TADA1: variants seen among roughly 807,000 people sequenced by gnomAD.
TADA1 encodes transcriptional adaptor 1.
A neutral mutation model predicts 39.3 loss-of-function variants in TADA1; 23 were observed. The observed-to-expected ratio is 0.58, with a 90% CI of 0.42 to 0.83. The LOEUF (loss-of-function observed/expected upper bound fraction) is 0.83, where lower values mean the gene tolerates loss of function less well. Ranked by LOEUF, TADA1 falls within the 40% of genes least tolerant of loss-of-function variation. The pLI, the probability that TADA1 is intolerant of heterozygous loss-of-function variation, is 0.00. For missense variants in TADA1, 352 were observed against 408.1 expected (o/e 0.86, Z 1.18); for synonymous variants, 137 against 151.8 (o/e 0.90, Z 0.72).
intron 1 of TADA1, among the ~76,000 whole-genome samples, chr1:166,875,937 C>T (rs1414488548): frequency 6.6e-6 from 1 of 152,130 alleles, no homozygotes; most frequent in East Asian, 1.9e-4. Context: ...AGCAACGGCG[C>T]CCGCCGATGT....
intron 6 of TADA1, among the ~76,000 whole-genome samples, chr1:166,859,907 A>G (rs1658367857): frequency 6.6e-6 from 1 of 152,126 alleles, no homozygotes; most frequent in African/African-American, 2.4e-5. Flanking sequence ...TGCACCACCT[A>G]TGCACTACTC....
chr1:166,864,200 T>G (rs188353956), intron 3 of TADA1, among the ~76,000 whole-genome samples: 50 of 152,168 alleles, frequency 3.3e-4, no homozygotes, highest in African/African-American at 1.1e-3. Flanking sequence ...AGCAGTAGTA[T>G]TATTATAGAT....
At chr1:166,869,067 G>T in intron 3 of TADA1, 1 of 273,596 alleles carries the variant, frequency 3.7e-6, no homozygotes, top group Non-Finnish European at 7.4e-6. Flanking sequence ...ATTCAATTTT[G>T]GCAAAGAAAA....
intron 6 of TADA1, among the ~76,000 whole-genome samples, chr1:166,859,126 C>G (rs1186516700): frequency 6.6e-6 from 1 of 152,164 alleles, no homozygotes; most frequent in Non-Finnish European, 1.5e-5. Context: ...AACAGTAAAC[C>G]CAATTTAAGA....
chr1:166,869,400 T>C, intron 3 of TADA1, 45 bp downstream of exon 3: 1 of 1,517,280 alleles, frequency 6.6e-7, no homozygotes, highest in Non-Finnish European at 9.1e-7. Flanking sequence ...TAAAGTCTAG[T>C]GCTTTGCTGA....
chr1:166,860,288 T>C lies in TADA1; in HGVS notation c.590A>G (p.Tyr197Cys). 6.2e-7 allele frequency: 1 copy of C among 1,613,966 alleles called. No homozygotes were observed. The highest frequency in any genetic ancestry group is 8.5e-7 in the Non-Finnish European group (1 of 1,179,932). Reference protein sequence around the residue: ...LTSVVSRRKAYRLRDGHFKYA... With the variant: ...LTSVVSRRKACRLRDGHFKYA... Reference sequence around the variant, plus strand: ...TTTAAAATGACCATCTCGTAACCGATAAGCTTTCCTTCTTGACACAACTGA... The same window carrying C: ...TTTAAAATGACCATCTCGTAACCGACAAGCTTTCCTTCTTGACACAACTGA... Residue 197 changes from tyrosine to cysteine, a missense_variant, in exon 6 of 8, where the codon TAT (tyrosine) becomes TGT (cysteine). Tyr to Cys is a radical substitution (Grantham distance 194). This residue lies in a region of TADA1 where 285 missense variants were observed against 310.9 expected (regional missense o/e 0.92). Coordinates refer to ENST00000367874, the MANE Select transcript of TADA1 (RefSeq NM_053053.4).
In TADA1 at chr1:166,860,321, A is replaced by G. The variant is rs747114953; in HGVS notation, c.557T>C (p.Ile186Thr). The G allele has an allele frequency of 6.2e-6, 10 of 1,610,138 alleles. No homozygotes were observed. Among genetic ancestry groups the G allele is most frequent in the Admixed American group, 3.4e-5 (2 of 58,996 alleles). Reference protein sequence around the residue: ...VYAVENHLKDILTSVVSRRKA... With the variant: ...VYAVENHLKDTLTSVVSRRKA... Reference sequence around the variant, plus strand: ...CCTTCTTGACACAACTGACGTCAGTATATCTTTAAGGTGATTCTGTAAACA... The same window carrying G: ...CCTTCTTGACACAACTGACGTCAGTGTATCTTTAAGGTGATTCTGTAAACA... The change falls in exon 6 of 8, where the codon ATA (isoleucine) becomes ACA (threonine). Residue 186 changes from isoleucine (I) to threonine (T), a missense_variant. Physicochemically the swap from Ile to Thr is moderately conservative, Grantham distance 89 (BLOSUM62 -1). Around this residue, in one of 3 missense-constraint regions of TADA1, gnomAD observed 285 missense variants for 310.9 expected, o/e 0.92. Coordinates refer to ENST00000367874, the MANE Select transcript of TADA1 (RefSeq NM_053053.4).
chr1:166,870,184 G>A (rs980041125), intron 1 of TADA1, among the ~76,000 whole-genome samples: 3 of 152,176 alleles, frequency 2.0e-5, no homozygotes, highest in African/African-American at 4.8e-5. Context: ...CTTAACCCTA[G>A]TACTTCAGAA....
At chr1:166,861,985 G>T (rs915398094) in intron 5 of TADA1, among the ~76,000 whole-genome samples, 1 of 152,102 alleles carries the variant, frequency 6.6e-6, no homozygotes, top group African/African-American at 2.4e-5. Context: ...CTTGAGCCCA[G>T]GATTTCCAGG....
intron 1 of TADA1, among the ~76,000 whole-genome samples, chr1:166,872,260 T>C (rs1208274961): frequency 6.6e-6 from 1 of 152,232 alleles, no homozygotes; most frequent in Non-Finnish European, 1.5e-5. Context: ...TGGTGTTATC[T>C]TTCCTGGTGG....
At chr1:166,864,084 T>G (rs1268551164) in intron 3 of TADA1, among the ~76,000 whole-genome samples, 163 bp from the exon 4 acceptor site, 1 of 152,260 alleles carries the variant, frequency 6.6e-6, no homozygotes, top group Non-Finnish European at 1.5e-5. Context: ...AATAAAATTA[T>G]CGATCCTCTC....
Position 166,856,919 on chromosome 1 carries a change from T to C in TADA1, c.*648A>G, listed in dbSNP as rs1658291694. On this transcript the variant is annotated 3_prime_UTR_variant, in exon 8 of 8. Transcript: ENST00000367874. The stretch of plus-strand genomic sequence containing the variant: ...CATGGGAAGACATAAAGTTAATTAA[T>C]TGCATTACAAGAGTTTTGTTTTGAC... 1 of 152,304 alleles carries C rather than the reference T, an allele frequency of 6.6e-6. No individual in the cohort carries two copies. The highest frequency in any genetic ancestry group is 1.9e-4 in the East Asian group (1 of 5,206). The allele number at this position is 152,304 out of a possible 1,614,324, so 9.4% of individuals were successfully genotyped here.
At chr1:166,857,925 T>A (rs959937267) in intron 7 of TADA1, among the ~76,000 whole-genome samples, 194 bp downstream of exon 7, 3 of 152,196 alleles carry the variant, frequency 2.0e-5, no homozygotes, top group African/African-American at 7.2e-5. Context: ...TTTCTTTTCT[T>A]TCTTTATTGG....
intron 1 of TADA1, among the ~76,000 whole-genome samples, chr1:166,872,567 G>A (rs750017279): frequency 6.6e-6 from 1 of 152,108 alleles, no homozygotes; most frequent in East Asian, 1.9e-4. Flanking sequence ...AGCTACCTGG[G>A]AGACTGAGAC....
chr1:166,861,275 G>A (rs1658407350), intron 5 of TADA1, among the ~76,000 whole-genome samples: 1 of 152,098 alleles, frequency 6.6e-6, no homozygotes, highest in Admixed American at 6.6e-5. Flanking sequence ...TTATACCAAG[G>A]AAAATCCACT....
At chr1:166,867,822 C>T (rs1248923912) in intron 3 of TADA1, among the ~76,000 whole-genome samples, 1 of 152,120 alleles carries the variant, frequency 6.6e-6, no homozygotes, top group African/African-American at 2.4e-5. Flanking sequence ...TCAAGTGACC[C>T]GCCCGCCTCA....
chr1:166,863,461 A>G (rs12029327), intron 4 of TADA1, among the ~76,000 whole-genome samples: 57,392 of 151,968 alleles, frequency 0.38, 10,967 homozygotes, highest in Middle Eastern at 0.5. Context: ...GCCCAGCTGG[A>G]CATCACCAGG....
intron 1 of TADA1, among the ~76,000 whole-genome samples, chr1:166,873,864 G>A (rs1222042649): frequency 1.3e-5 from 2 of 152,116 alleles, no homozygotes; most frequent in Admixed American, 1.3e-4. Flanking sequence ...AAACACTTTT[G>A]GCAGCCCTGA....
At chr1:166,859,586 G>A (rs1409070807) in intron 6 of TADA1, among the ~76,000 whole-genome samples, 1 of 152,004 alleles carries the variant, frequency 6.6e-6, no homozygotes, top group East Asian at 1.9e-4. Context: ...TTTCATAAAG[G>A]GGTGACTCAG....
Sources: allele counts gnomAD v4.1 joint callset (sites outside exome capture counted in the v4.1 genomes callset), GRCh38; gene constraint gnomAD v4.1.1; regional missense constraint gnomAD v4.1.1; transcripts MANE v1.5; gene names NCBI Gene and HGNC (gene_info 2026-07-23, HGNC 2026-07-21).